Variants in TVP23C observed in about 807,000 individuals in gnomAD.
The protein encoded by TVP23C is trans-golgi network vesicle protein 23 homolog C.
Under a neutral mutation model 28.7 loss-of-function variants are expected in TVP23C, and 19 were observed. That is an observed-to-expected ratio of 0.66 (90% CI 0.46 to 0.97). The LOEUF (loss-of-function observed/expected upper bound fraction) is 0.97, where lower values mean the gene tolerates loss of function less well. TVP23C is among the 50% of genes least tolerant of loss of function. The pLI is 0.00. For missense variants in TVP23C, 186 were observed against 241.3 expected (o/e 0.77, Z 1.52); for synonymous variants, 68 against 81.7 (o/e 0.83, Z 0.90).
intron 5 of TVP23C, among the ~76,000 whole-genome samples, chr17:15,507,566 C>T (rs561609201): frequency 9.8e-5 from 15 of 152,298 alleles, no homozygotes; most frequent in African/African-American, 3.1e-4. Context: ...AGGCCGGGCG[C>T]GGTGGCTCAC....
intron 5 of TVP23C, among the ~76,000 whole-genome samples, chr17:15,522,932 G>A (rs1352735767): frequency 6.6e-6 from 1 of 151,940 alleles, no homozygotes; most frequent in Non-Finnish European, 1.5e-5. Flanking sequence ...CACCACCAGA[G>A]CGAGATTCCC....
At chr17:15,507,038 C>T (rs1698271196) in intron 5 of TVP23C, 4 of 1,302,896 alleles carry the variant, frequency 3.1e-6, no homozygotes, top group African/African-American at 1.5e-5. Context: ...AGAATTATTC[C>T]AGAGTTTATG....
At position 15,529,172 on chromosome 17, in the gene TVP23C, C is replaced by A. The variant is rs578079391; in HGVS notation, c.462+16613G>T. On this transcript the variant is annotated intron_variant, in intron 5 of 5. Coordinates refer to the TVP23C transcript ENST00000225576. Reference sequence around the variant, plus strand: ...TAATTATTAAGAGTAAATTGTTATGCCAGGCTCAGAGGCTCACGCCTGTAA... The same window carrying A: ...TAATTATTAAGAGTAAATTGTTATGACAGGCTCAGAGGCTCACGCCTGTAA... Among the ~76,000 whole-genome samples the A allele has an allele frequency of 2.6e-4, 40 of 152,154 alleles. 1 individual carries two copies. Among genetic ancestry groups the A allele is most frequent in the South Asian group, 2.1e-3 (10 of 4,822 alleles).
chr17:15,543,261 CAGG>C (rs1212406563), intron 5 of TVP23C, among the ~76,000 whole-genome samples: 1 of 148,894 alleles, frequency 6.7e-6, no homozygotes, highest in Non-Finnish European at 1.5e-5. Flanking sequence ...CCTCAGACAT[CAGG>C]AGAAGGTGGT....
At position 15,540,412 on chromosome 17, in the gene TVP23C, T is replaced by C; in HGVS notation, c.612A>G (p.Ter204TrpextTer20). The C allele has an allele frequency of 6.3e-7, 1 of 1,592,382 alleles. No individual in the cohort carries two copies. Among genetic ancestry groups the C allele is most frequent in the East Asian group, 2.3e-5 (1 of 44,444 alleles). ...FLRQVSVFWM[*>W] Reference sequence around the variant, plus strand: ...TAGAAATAATTGCATTAGTCACTGATCACATCCAGAAAACACTTACTTGTC... The same window carrying C: ...TAGAAATAATTGCATTAGTCACTGACCACATCCAGAAAACACTTACTTGTC... Residue 204 changes from the stop codon to tryptophan, a stop_lost, in exon 6 of 6, where the codon TGA (stop) becomes TGG (tryptophan). Transcript: ENST00000518321.
intron 5 of TVP23C, among the ~76,000 whole-genome samples, chr17:15,507,738 C>T (rs997613526): frequency 3.3e-5 from 5 of 152,042 alleles, no homozygotes; most frequent in Admixed American, 1.3e-4. Flanking sequence ...ACTCGGGAGG[C>T]TGATGCAGGA....
At chr17:15,559,565 G>A (rs1411257276) in intron 1 of TVP23C, among the ~76,000 whole-genome samples, 2 of 148,612 alleles carry the variant, frequency 1.3e-5, no homozygotes, top group Non-Finnish European at 1.5e-5. Context: ...TCTGGCTACT[G>A]TAGTAAAAAT....
At chr17:15,547,338 T>C (rs536073492) in intron 3 of TVP23C, among the ~76,000 whole-genome samples, 190 bp from the exon 4 acceptor site, 57 of 152,284 alleles carry the variant, frequency 3.7e-4, no homozygotes, top group Admixed American at 2.7e-3. Flanking sequence ...GCAGGACTAA[T>C]AGGGGTAGAG....
At chr17:15,555,395 A>G (rs1308750485) in intron 1 of TVP23C, 31 bp from the exon 2 acceptor site, 1 of 1,613,770 alleles carries the variant, frequency 6.2e-7, no homozygotes, top group African/African-American at 1.3e-5. Flanking sequence ...TCAAGAAGCA[A>G]AACAAAATTC....
intron 5 of TVP23C, among the ~76,000 whole-genome samples, chr17:15,517,674 A>G (rs1286395397): frequency 6.6e-6 from 1 of 152,204 alleles, no homozygotes. Flanking sequence ...AGGTTGTCTC[A>G]TTAAACCTCC....
chr17:15,507,218 G>A (rs756973252), intron 5 of TVP23C: 9 of 731,208 alleles, frequency 1.2e-5, no homozygotes, highest in African/African-American at 3.5e-5. Context: ...CCAAGACAGC[G>A]TGGTTGAATG....
At chr17:15,507,776 T>C (rs1002705451) in intron 5 of TVP23C, among the ~76,000 whole-genome samples, 5 of 151,982 alleles carry the variant, frequency 3.3e-5, no homozygotes, top group Admixed American at 3.3e-4. Flanking sequence ...GAGGCGGAGC[T>C]TGCAGTGAGC....
chr17:15,555,698 C>T (rs1984099813), intron 1 of TVP23C, among the ~76,000 whole-genome samples: 1 of 152,082 alleles, frequency 6.6e-6, no homozygotes, highest in South Asian at 2.1e-4. Context: ...CAAGCCGAGG[C>T]TACTGGGGAT....
Position 15,553,838 on chromosome 17 carries a change from C to T in TVP23C, c.96-9G>A, listed in dbSNP as rs1984007322. ...ACGATGCTACTGGATGTCTGAAAAC[C>T]AAAACACAATGAAAGAAATGCAATT... On this transcript the variant is annotated splice_polypyrimidine_tract_variant and intron_variant, in intron 2 of 5. Coordinates refer to ENST00000518321, the MANE Select transcript of TVP23C (RefSeq NM_001135036.2). The T allele has an allele frequency of 1.3e-5, 21 of 1,613,002 alleles. No homozygotes were observed. The highest frequency in any genetic ancestry group is 1.7e-5 in the Non-Finnish European group (20 of 1,179,574).
rs55763007 is a variant in TVP23C, at chr17:15,538,459, G to A, written c.*1953C>T. 9.0e-3 allele frequency: 6,060 copies of A among 675,242 alleles called. 332 individuals are homozygous for A. In the African/African-American group the frequency reaches 0.11, roughly 12 times the overall value. 41.8% of individuals were successfully genotyped at this position (675,242 alleles called of 1,614,324 possible). A position where few individuals can be genotyped will look rare whatever the true frequency, so the allele number is the denominator to read the frequency against. Reference sequence around the variant, plus strand: ...CAAAAAATTAGCCAGGCGTGGTGGCGGGCGCCTGCAATCCCAGCTACTCGG... The same window carrying A: ...CAAAAAATTAGCCAGGCGTGGTGGCAGGCGCCTGCAATCCCAGCTACTCGG... On this transcript the variant is annotated 3_prime_UTR_variant, in exon 6 of 6. Transcript: ENST00000518321.
At chr17:15,534,146 G>T (rs1371572817), downstream of TVP23C, among the ~76,000 whole-genome samples, 40 of 151,894 alleles carry the variant, frequency 2.6e-4, 1 homozygote, top group Non-Finnish European at 1.6e-4. Flanking sequence ...ATTATAAACA[G>T]GATTTCTATG....
chr17:15,556,030 C>G (rs1426217616), intron 1 of TVP23C, among the ~76,000 whole-genome samples: 1 of 152,200 alleles, frequency 6.6e-6, no homozygotes, highest in African/African-American at 2.4e-5. Flanking sequence ...GATTCTCCTG[C>G]TTCAGCCTTC....
rs1205402318 is a variant in TVP23C, at chr17:15,551,633, A to G, written c.240+2052T>C. Among the ~76,000 whole-genome samples, 568 of 151,312 alleles carry G rather than the reference A, an allele frequency of 3.8e-3. 4 individuals are homozygous for G. The highest frequency in any genetic ancestry group is 0.012 in the African/African-American group (493 of 40,830). ...CCAGGACAGCTTTGAATGCGGCCCA[A>G]GAGAAATTCGTAAACTTTCTTAAAA... On this transcript the variant is annotated intron_variant, in intron 3 of 5. Coordinates refer to ENST00000518321, the MANE Select transcript of TVP23C (RefSeq NM_001135036.2).
In TVP23C at chr17:15,538,166, A is replaced by G. The variant is rs749685471; in HGVS notation, c.*2246T>C. On this transcript the variant is annotated 3_prime_UTR_variant, in exon 6 of 6. Transcript: ENST00000518321. The stretch of plus-strand genomic sequence containing the variant: ...CATCTCCAGTGTTCCGCAAAAGACA[A>G]AAAAAGAACTCCTTAACATCAAAGT... 2.5e-6 allele frequency: 4 copies of G among 1,613,572 alleles called. No homozygotes were observed. The African/African-American group carries it at 4.0e-5, about 16-fold the overall frequency.
Sources: gnomAD v4.1 joint callset for allele counts (sites outside exome capture counted in the v4.1 genomes callset) on GRCh38, gnomAD v4.1.1 for gene constraint, MANE v1.5 for transcripts, NCBI Gene and HGNC (gene_info 2026-07-23, HGNC 2026-07-21) for gene names.